TMEM272: variants seen among roughly 807,000 people sequenced by gnomAD.
TMEM272 encodes transmembrane protein 272.
Under a neutral mutation model 3.7 loss-of-function variants are expected in TMEM272, and 8 were observed. The observed-to-expected ratio is 2.17, with a 90% confidence interval of 1.27 to 3.91. The LOEUF (loss-of-function observed/expected upper bound fraction) is 3.91, where lower values mean the gene tolerates loss of function less well. Among genes scored for constraint, TMEM272 ranks in the 30% most tolerant of loss-of-function variants. The pLI is 0.00. For missense variants in TMEM272, 166 were observed against 91.5 expected (o/e 1.81, Z -3.32); for synonymous variants, 63 against 39.8 (o/e 1.58, Z -2.20).
chr13:51,919,722 G>A, the TMEM272 span, among the ~76,000 whole-genome samples: 1 of 152,206 alleles, frequency 6.6e-6, no homozygotes, highest in African/African-American at 2.4e-5. Flanking sequence ...TGTGTCCCGA[G>A]CAAACGGTGC....
At chr13:51,928,925 G>A in the TMEM272 span, among the ~76,000 whole-genome samples, 7 of 152,314 alleles carry the variant, frequency 4.6e-5, no homozygotes, top group East Asian at 7.7e-4. Context: ...CAGGCTGGGT[G>A]TGGTGGCTCA....
chr13:51,905,217 T>G, the TMEM272 span, among the ~76,000 whole-genome samples: 1 of 152,052 alleles, frequency 6.6e-6, no homozygotes, highest in Admixed American at 6.6e-5. Flanking sequence ...AGAGAGACTG[T>G]CCTCCCTCTT....
the TMEM272 span, among the ~76,000 whole-genome samples, chr13:51,929,049 T>C: frequency 6.6e-6 from 1 of 151,882 alleles, no homozygotes; most frequent in Non-Finnish European, 1.5e-5. Context: ...ATACAAAAAT[T>C]AGCTGGGTAT....
rs561679777 is a variant in TMEM272, at chr13:51,832,870, T to C, written c.58+5603A>G. 3.2e-3 allele frequency among the ~76,000 whole-genome samples: 481 copies of C among 152,342 alleles called. 2 individuals carry two copies. Among genetic ancestry groups the C allele is most frequent in the African/African-American group, 0.01 (433 of 41,574 alleles). On this transcript the variant is annotated intron_variant, in intron 2 of 4. Transcript: ENST00000629372. ...GGTTTGGGTAGATGCAAAGTGAGCA[T>C]GAGAAGCCTCGGCAATGCGGACTTC... is the stretch of plus-strand genomic sequence containing the variant.
At chr13:51,840,911 A>T (rs1956257269) in intron 1 of TMEM272, among the ~76,000 whole-genome samples, 1 of 152,224 alleles carries the variant, frequency 6.6e-6, no homozygotes, top group Non-Finnish European at 1.5e-5. Flanking sequence ...ATCAAGGTGA[A>T]ATGAGACCAG....
At chr13:51,883,672 C>T in the TMEM272 span, among the ~76,000 whole-genome samples, 5 of 152,142 alleles carry the variant, frequency 3.3e-5, no homozygotes, top group Non-Finnish European at 5.9e-5. Context: ...TATCTGGGCC[C>T]GGCAGCTCGG....
chr13:51,920,136 C>T, the TMEM272 span, among the ~76,000 whole-genome samples: 7 of 151,852 alleles, frequency 4.6e-5, no homozygotes, highest in Admixed American at 2.0e-4. Flanking sequence ...TCTCAGCAAG[C>T]GTTTTACCTC....
chr13:51,865,387 C>A, the TMEM272 span: 28 of 1,591,188 alleles, frequency 1.8e-5, no homozygotes, highest in Non-Finnish European at 1.4e-5. Flanking sequence ...TCATGGCCAC[C>A]CCGCCATTCC....
chr13:51,820,390 C>A (rs1007384902), intron 4 of TMEM272, among the ~76,000 whole-genome samples: 1 of 152,168 alleles, frequency 6.6e-6, no homozygotes, highest in Admixed American at 6.5e-5. Flanking sequence ...TCCTGTTTGC[C>A]GCTGCTCTAA....
chr13:51,850,079 T>C (rs1956324188), upstream of TMEM272, among the ~76,000 whole-genome samples: 1 of 152,314 alleles, frequency 6.6e-6, no homozygotes, highest in Admixed American at 6.5e-5. Flanking sequence ...TGTAGGGGTG[T>C]GTGCCTGTAG....
chr13:51,917,634 GA>G, the TMEM272 span, among the ~76,000 whole-genome samples: 4 of 152,210 alleles, frequency 2.6e-5, no homozygotes, highest in African/African-American at 9.7e-5. Context: ...GGGCTGTGTA[GA>G]AGGGCTCTGC....
At chr13:51,825,640 T>A (rs1252927108) in intron 3 of TMEM272, among the ~76,000 whole-genome samples, 101 of 151,716 alleles carry the variant, frequency 6.7e-4, no homozygotes, top group African/African-American at 2.3e-3. Context: ...TTTGTGTTTT[T>A]TTTTTTTTTT....
At chr13:51,882,836 C>T in the TMEM272 span, among the ~76,000 whole-genome samples, 8 of 152,190 alleles carry the variant, frequency 5.3e-5, no homozygotes, top group African/African-American at 1.7e-4. Context: ...CCTTGGAGTG[C>T]TGCTTTGCCA....
the TMEM272 span, among the ~76,000 whole-genome samples, chr13:51,911,265 T>C: frequency 0.12 from 18,135 of 152,234 alleles, 1,182 homozygotes; most frequent in South Asian, 0.13. Flanking sequence ...TCCTCCCAGA[T>C]GAGGCAGATT....
In TMEM272 at chr13:51,838,463, T is replaced by TA; in HGVS notation, c.58+9_58+10insT. 1 of 703,044 alleles carries TA rather than the reference T, an allele frequency of 1.4e-6. No individual in the cohort carries two copies. The highest frequency in any genetic ancestry group is 2.7e-5 in the East Asian group (1 of 37,288). The allele number at this position is 703,044 out of a possible 1,614,324, so 43.6% of individuals were successfully genotyped here. A position where few individuals can be genotyped will look rare whatever the true frequency, so the allele number is the denominator to read the frequency against. On this transcript the variant is annotated intron_variant, in intron 2 of 4. Transcript: ENST00000629372. ...ACAAAACCAGGGCATTTCTCAGAGT[T>TA]GTGACTCACCATTGCTGGCGATTTT...
chr13:51,895,226 C>T, the TMEM272 span, among the ~76,000 whole-genome samples: 2 of 152,148 alleles, frequency 1.3e-5, no homozygotes, highest in Non-Finnish European at 2.9e-5. Context: ...GAAAAAGGAA[C>T]TTGGGTCAGC....
the TMEM272 span, among the ~76,000 whole-genome samples, chr13:51,906,661 C>T: frequency 7.2e-5 from 11 of 152,084 alleles, no homozygotes; most frequent in Middle Eastern, 3.2e-3. Context: ...AGACCCTGAC[C>T]CTGAGGCATT....
intron 2 of TMEM272, among the ~76,000 whole-genome samples, chr13:51,836,775 T>C (rs574808635): frequency 6.6e-6 from 1 of 152,272 alleles, no homozygotes; most frequent in South Asian, 2.1e-4. Context: ...GAAGTAGAAG[T>C]CTAGGCAAAG....
the TMEM272 span, among the ~76,000 whole-genome samples, chr13:51,880,573 C>T: frequency 6.6e-6 from 1 of 152,126 alleles, no homozygotes; most frequent in Non-Finnish European, 1.5e-5. Flanking sequence ...AGTCGGTCCC[C>T]ACACTACCTT....
Sources: allele counts gnomAD v4.1 joint callset (sites outside exome capture counted in the v4.1 genomes callset), GRCh38; gene constraint gnomAD v4.1.1; transcripts MANE v1.5; gene names NCBI Gene and HGNC (gene_info 2026-07-23, HGNC 2026-07-21).